The following LCORL variants were observed in gnomAD, a reference collection of about 807,000 sequenced individuals.
LCORL encodes the protein ligand dependent nuclear receptor corepressor like.
LCORL carries 41 observed loss-of-function variants against 141.8 expected under a neutral mutation model. The observed-to-expected ratio is 0.29, with a 90% CI of 0.23 to 0.38. LCORL has a LOEUF of 0.38. LCORL is among the 10% of genes least tolerant of loss of function. The pLI is 1.00. For missense variants in LCORL, 1,759 were observed against 2,035.0 expected, an observed-to-expected ratio of 0.86 and a Z score of 2.61; for synonymous variants, 618 against 694.1, an observed-to-expected ratio of 0.89 and a Z score of 1.72.
intron 7 of LCORL, among the ~76,000 whole-genome samples, chr4:17,864,556 T>C (rs939084540): frequency 2.6e-5 from 4 of 151,932 alleles, no homozygotes; most frequent in South Asian, 2.1e-4. Context: ...TAAAACACAC[T>C]GTATTGATCC....
chr4:18,009,136 T>A (rs2109862007), intron 1 of LCORL, among the ~76,000 whole-genome samples: 1 of 152,168 alleles, frequency 6.6e-6, no homozygotes. Flanking sequence ...CATTTCTATA[T>A]CTATATATGA....
At position 17,980,655 on chromosome 4, in the gene LCORL, T is replaced by C. The variant is rs377707119; in HGVS notation, c.155-7770A>G. Among the ~76,000 whole-genome samples the C allele has an allele frequency of 2.1e-4, 32 of 152,302 alleles. 1 individual carries two copies. The South Asian group carries it at 3.7e-3, about 18-fold the overall frequency. On this transcript the variant is annotated intron_variant, in intron 1 of 7. Transcript: ENST00000635767. Reference sequence around the variant, plus strand: ...CTTTTTAAAAATCCAGCACTTTTCATTGTTTTTAGAAGAAAGGTTGATTCA... The same window carrying C: ...CTTTTTAAAAATCCAGCACTTTTCACTGTTTTTAGAAGAAAGGTTGATTCA...
Position 17,917,141 on chromosome 4 carries a change from A to G in LCORL, c.431-7796T>C, listed in dbSNP as rs562834433. On this transcript the variant is annotated intron_variant, in intron 4 of 7. Coordinates refer to ENST00000635767, the Ensembl canonical transcript of LCORL. Reference sequence around the variant, plus strand: ...AGACATGTGCTACTGCGCCCAGCTAACTTTTGTATTTTTAGTAGACGGGGT... The same window carrying G: ...AGACATGTGCTACTGCGCCCAGCTAGCTTTTGTATTTTTAGTAGACGGGGT... 5.3e-5 allele frequency among the ~76,000 whole-genome samples: 8 copies of G among 151,488 alleles called. No individual in the cohort carries two copies. The East Asian group carries it at 9.8e-4, about 19-fold the overall frequency.
At chr4:17,880,831 T>C (rs1049409516) in intron 6 of LCORL, 8 of 860,498 alleles carry the variant, frequency 9.3e-6, no homozygotes, top group Non-Finnish European at 1.1e-5. Context: ...ATGAATTCAT[T>C]AGAAAATATT....
At chr4:17,867,633 G>A (rs1409261238) in intron 7 of LCORL, among the ~76,000 whole-genome samples, 5 of 152,134 alleles carry the variant, frequency 3.3e-5, no homozygotes, top group Admixed American at 3.3e-4. Flanking sequence ...ATATCTTCTA[G>A]ATAAATTCCT....
chr4:17,914,052 C>T (rs1266740599), intron 4 of LCORL, among the ~76,000 whole-genome samples: 1 of 152,104 alleles, frequency 6.6e-6, no homozygotes, highest in Non-Finnish European at 1.5e-5. Flanking sequence ...CTTTATAAAC[C>T]CATGTGATAC....
At chr4:17,849,388 C>T (rs1723352220) in intron 7 of LCORL, among the ~76,000 whole-genome samples, 1 of 152,184 alleles carries the variant, frequency 6.6e-6, no homozygotes, top group Non-Finnish European at 1.5e-5. Context: ...TGTTCTGCAG[C>T]CACCGCTGCT....
chr4:17,870,295 G>A (rs1726189750), intron 7 of LCORL, among the ~76,000 whole-genome samples: 2 of 152,228 alleles, frequency 1.3e-5, no homozygotes, highest in South Asian at 4.2e-4. Context: ...GCAGAGATGG[G>A]GTCCCGCTAT....
intron 2 of LCORL, among the ~76,000 whole-genome samples, chr4:17,964,877 T>C (rs1430206723): frequency 6.6e-6 from 1 of 152,044 alleles, no homozygotes; most frequent in Non-Finnish European, 1.5e-5. Context: ...TTTTTTTTTT[T>C]TTTCTTTAAA....
At chr4:18,014,545 T>A (rs1191490707) in intron 1 of LCORL, among the ~76,000 whole-genome samples, 3 of 151,858 alleles carry the variant, frequency 2.0e-5, no homozygotes, top group Non-Finnish European at 4.4e-5. Flanking sequence ...GGCAACAGAT[T>A]AAGGTAAAAA....
chr4:17,921,308 G>A (rs553115150), intron 4 of LCORL, among the ~76,000 whole-genome samples: 2 of 152,168 alleles, frequency 1.3e-5, no homozygotes, highest in South Asian at 2.1e-4. Flanking sequence ...GATTACAGGC[G>A]TTGAGCCACC....
chr4:17,905,837 T>C (rs1731525832), intron 5 of LCORL, among the ~76,000 whole-genome samples: 1 of 151,936 alleles, frequency 6.6e-6, no homozygotes, highest in Non-Finnish European at 1.5e-5. Context: ...CACTAGCAAA[T>C]AGCAACATAA....
At chr4:17,912,188 TTA>T in intron 4 of LCORL, 1 of 908,244 alleles carries the variant, frequency 1.1e-6, no homozygotes, top group Non-Finnish European at 1.8e-6. Flanking sequence ...GCTGATGACT[TTA>T]GAGTCAAGTA....
intron 7 of LCORL, among the ~76,000 whole-genome samples, chr4:17,863,959 G>A (rs754091420): frequency 6.6e-6 from 1 of 152,010 alleles, no homozygotes; most frequent in East Asian, 1.9e-4. Flanking sequence ...AGTACACATC[G>A]ACCAAAGAAG....
chr4:17,873,994 T>C (rs1207736353), exon 7 of LCORL: 3 of 1,234,042 alleles, frequency 2.4e-6, no homozygotes, highest in African/African-American at 1.6e-5. Context: ...TCACCCCTGA[T>C]CTCAGGTGGC....
intron 4 of LCORL, among the ~76,000 whole-genome samples, chr4:17,958,621 C>CT (rs1210394914): frequency 6.6e-6 from 1 of 151,892 alleles, no homozygotes; most frequent in Non-Finnish European, 1.5e-5. Flanking sequence ...CACAGTAATA[C>CT]TTTAAGTACA....
At chr4:18,005,950 C>T (rs566374888) in intron 1 of LCORL, among the ~76,000 whole-genome samples, 13 of 152,326 alleles carry the variant, frequency 8.5e-5, no homozygotes, top group East Asian at 7.7e-4. Flanking sequence ...TCATTACTCA[C>T]GCAAATTTCT....
intron 1 of LCORL, among the ~76,000 whole-genome samples, chr4:17,974,759 T>C (rs991847457): frequency 4.6e-5 from 7 of 152,294 alleles, no homozygotes; most frequent in African/African-American, 1.7e-4. Context: ...AAAATTTTAA[T>C]CATAAGCCCA....
chr4:17,919,919 G>A (rs1006822442), intron 4 of LCORL, among the ~76,000 whole-genome samples: 9 of 152,208 alleles, frequency 5.9e-5, no homozygotes, highest in African/African-American at 1.7e-4. Context: ...AAACCCAAGA[G>A]GGCTGGGTTT....
Sources: allele counts gnomAD v4.1 joint callset (sites outside exome capture counted in the v4.1 genomes callset), GRCh38; gene constraint gnomAD v4.1.1; transcripts MANE v1.5; gene names NCBI Gene and HGNC (gene_info 2026-07-23, HGNC 2026-07-21).